GPR39: variants seen among roughly 807,000 people sequenced by gnomAD.
The protein encoded by GPR39 is zinc sensing receptor.
In GPR39, 23 loss-of-function variants were observed where a neutral mutation model predicts 18.4. That is an observed-to-expected ratio of 1.25 (90% CI 0.90 to 1.77). GPR39 has a LOEUF of 1.77. GPR39 is among the 40% of genes most tolerant of loss of function. The pLI, the probability that GPR39 is intolerant of heterozygous loss-of-function variation, is 0.00. For missense variants in GPR39, 647 were observed against 602.4 expected (o/e 1.07, Z -0.78); for synonymous variants, 280 against 257.9 (o/e 1.09, Z -0.82).
At chr2:132,559,883 C>A (rs1001208169) in intron 1 of GPR39, among the ~76,000 whole-genome samples, 12 of 152,074 alleles carry the variant, frequency 7.9e-5, no homozygotes, top group African/African-American at 2.9e-4. Flanking sequence ...TGATGCCATG[C>A]TGCTGCCTTT....
intron 1 of GPR39, among the ~76,000 whole-genome samples, chr2:132,538,992 C>T (rs551860982): frequency 2.6e-4 from 40 of 152,288 alleles, no homozygotes; most frequent in Admixed American, 9.2e-4. Context: ...TCTTAGCTCA[C>T]TGGGCTCTGT....
At chr2:132,610,734 A>C (rs1681222787) in intron 1 of GPR39, among the ~76,000 whole-genome samples, 2 of 142,884 alleles carry the variant, frequency 1.4e-5, no homozygotes, top group South Asian at 4.4e-4. Context: ...CCAAGATTGC[A>C]CCATTGCACT....
At chr2:132,602,696 A>G (rs536431979) in intron 1 of GPR39, among the ~76,000 whole-genome samples, 3 of 152,046 alleles carry the variant, frequency 2.0e-5, no homozygotes, top group African/African-American at 7.2e-5. Flanking sequence ...AAAGCAAAAA[A>G]CTGAATAATC....
intron 1 of GPR39, among the ~76,000 whole-genome samples, chr2:132,556,787 A>G (rs907178279): frequency 3.3e-5 from 5 of 152,132 alleles, no homozygotes; most frequent in African/African-American, 1.2e-4. Flanking sequence ...CTAATTAAGC[A>G]CAACCTCATA....
chr2:132,479,791 G>A (rs1681198078), intron 1 of GPR39, among the ~76,000 whole-genome samples: 1 of 150,090 alleles, frequency 6.7e-6, no homozygotes, highest in African/African-American at 2.5e-5. Context: ...AAAACAGTAT[G>A]GAGATTCTTC....
chr2:132,509,136 A>T (rs1015242007), intron 1 of GPR39, among the ~76,000 whole-genome samples: 2 of 152,192 alleles, frequency 1.3e-5, no homozygotes, highest in African/African-American at 2.4e-5. Context: ...CCCCAGCATG[A>T]CTTATTCCCT....
At chr2:132,630,555 C>T (rs1049971865) in intron 1 of GPR39, among the ~76,000 whole-genome samples, 7 of 152,106 alleles carry the variant, frequency 4.6e-5, no homozygotes, top group Non-Finnish European at 8.8e-5. Context: ...AACAAGCCAT[C>T]GAAAGGTTTT....
Position 132,530,436 on chromosome 2 carries a change from T to C in GPR39, c.856+112538T>C, listed in dbSNP as rs753875427. Among the ~76,000 whole-genome samples, 3 of 152,108 alleles carry C rather than the reference T, an allele frequency of 2.0e-5. 1 individual carries two copies. Among genetic ancestry groups the C allele is most frequent in the Admixed American group, 2.0e-4 (3 of 15,256 alleles). On this transcript the variant is annotated intron_variant, in intron 1 of 1. Coordinates refer to ENST00000329321, the MANE Select transcript of GPR39 (RefSeq NM_001508.3). The stretch of plus-strand genomic sequence containing the variant: ...ACCAAGTTGGAAAACACTCTGCAGG[T>C]TATTATCCAGGAGAACTTCCCCAAT...
chr2:132,420,068 G>A lies in GPR39; in HGVS notation c.856+2170G>A, dbSNP rs981292404. ...ATCAGATCCCATTAGTAATTGTCTG[G>A]AATGAGTTTGTTCTTGCTGCTGCTC... On this transcript the variant is annotated intron_variant, in intron 1 of 1. Coordinates refer to ENST00000329321, the MANE Select transcript of GPR39 (RefSeq NM_001508.3). Among the ~76,000 whole-genome samples the A allele has an allele frequency of 3.9e-5, 6 of 152,272 alleles. No homozygotes were observed. In the South Asian group the frequency reaches 1.2e-3, roughly 32 times the overall value.
intron 1 of GPR39, among the ~76,000 whole-genome samples, chr2:132,505,323 C>A (rs915816778): frequency 3.9e-5 from 6 of 152,216 alleles, no homozygotes; most frequent in Middle Eastern, 3.4e-3. Flanking sequence ...TTGTTGCATG[C>A]ATAGAATGTG....
chr2:132,446,752 A>G (rs1318724672), intron 1 of GPR39, among the ~76,000 whole-genome samples: 1 of 152,124 alleles, frequency 6.6e-6, no homozygotes, highest in African/African-American at 2.4e-5. Flanking sequence ...AGATGGGAGC[A>G]GAAATGGAAT....
chr2:132,537,483 C>T (rs1465988160), intron 1 of GPR39, among the ~76,000 whole-genome samples: 1 of 149,458 alleles, frequency 6.7e-6, no homozygotes, highest in African/African-American at 2.5e-5. Context: ...TGACCTTTCT[C>T]TGTGGCTTCC....
At chr2:132,483,059 T>C (rs539548499) in intron 1 of GPR39, among the ~76,000 whole-genome samples, 1 of 152,322 alleles carries the variant, frequency 6.6e-6, no homozygotes, top group South Asian at 2.1e-4. Context: ...ACGTACTAAC[T>C]GTATAACCTT....
chr2:132,618,882 G>A (rs1343728606), intron 1 of GPR39, among the ~76,000 whole-genome samples: 2 of 152,242 alleles, frequency 1.3e-5, no homozygotes, highest in Non-Finnish European at 2.9e-5. Flanking sequence ...AGGGTGGACA[G>A]CCCTGGGACC....
chr2:132,587,347 C>G (rs1234551367), intron 1 of GPR39, among the ~76,000 whole-genome samples: 3 of 152,306 alleles, frequency 2.0e-5, no homozygotes, highest in African/African-American at 7.2e-5. Context: ...TTAGATTACT[C>G]TCTGTCATAA....
intron 1 of GPR39, among the ~76,000 whole-genome samples, chr2:132,519,801 C>T (rs1327414851): frequency 1.3e-5 from 2 of 152,214 alleles, no homozygotes; most frequent in African/African-American, 4.8e-5. Flanking sequence ...TTGCTATTTC[C>T]ACCCTCTTTC....
At chr2:132,533,753 A>G (rs1319491040) in intron 1 of GPR39, among the ~76,000 whole-genome samples, 1 of 152,214 alleles carries the variant, frequency 6.6e-6, no homozygotes, top group East Asian at 1.9e-4. Context: ...AGGATTCCCT[A>G]TTTAATAAAT....
intron 1 of GPR39, among the ~76,000 whole-genome samples, chr2:132,536,198 A>T (rs1429239772): frequency 1.3e-5 from 2 of 152,080 alleles, no homozygotes; most frequent in African/African-American, 4.8e-5. Context: ...GCTTTCTGAT[A>T]AGGGCATTTA....
chr2:132,533,002 C>A (rs1308408389), intron 1 of GPR39, among the ~76,000 whole-genome samples: 1 of 152,036 alleles, frequency 6.6e-6, no homozygotes, highest in Non-Finnish European at 1.5e-5. Context: ...CCAGGGCAAT[C>A]AGGCAGGAGA....
Sources: allele counts gnomAD v4.1 joint callset (sites outside exome capture counted in the v4.1 genomes callset), GRCh38; gene constraint gnomAD v4.1.1; transcripts MANE v1.5; gene names NCBI Gene and HGNC (gene_info 2026-07-23, HGNC 2026-07-21).